Variants in ADGRA3 observed in about 807,000 individuals in gnomAD.
ADGRA3 encodes the protein G-protein coupled receptor 125.
Under a neutral mutation model 119.8 loss-of-function variants are expected in ADGRA3, and 56 were observed. The observed-to-expected ratio is 0.47, with a 90% CI of 0.38 to 0.58. The LOEUF (loss-of-function observed/expected upper bound fraction) is 0.58. ADGRA3 is among the 20% of genes least tolerant of loss of function. The pLI is 0.00. For synonymous variants in ADGRA3, 607 were observed against 623.8 expected (o/e 0.97, Z 0.40); for missense variants, 1,516 against 1,649.0 (o/e 0.92, Z 1.40).
chr4:22,429,555 C>T (rs1182057513), intron 10 of ADGRA3, among the ~76,000 whole-genome samples: 1 of 152,112 alleles, frequency 6.6e-6, no homozygotes, highest in Non-Finnish European at 1.5e-5. Context: ...GACACCACCT[C>T]CAGCATCAGG....
chr4:22,399,491 T>C (rs1361202016), intron 16 of ADGRA3, among the ~76,000 whole-genome samples: 1 of 137,956 alleles, frequency 7.2e-6, no homozygotes, highest in Non-Finnish European at 1.5e-5. Flanking sequence ...CCACCTAGAG[T>C]TGACTTTTTT....
chr4:22,411,608 A>G (rs947960468), intron 14 of ADGRA3, among the ~76,000 whole-genome samples: 2 of 152,208 alleles, frequency 1.3e-5, no homozygotes, highest in African/African-American at 4.8e-5. Flanking sequence ...TCAAAAAAAC[A>G]AAAAATAAAT....
At chr4:22,495,343 C>A (rs947029072) in intron 1 of ADGRA3, among the ~76,000 whole-genome samples, 2 of 151,962 alleles carry the variant, frequency 1.3e-5, no homozygotes. Flanking sequence ...AGAGTCGGAT[C>A]GCAGGGCCCA....
chr4:22,398,846 T>C (rs1714486587), intron 16 of ADGRA3, among the ~76,000 whole-genome samples: 1 of 152,170 alleles, frequency 6.6e-6, no homozygotes, highest in South Asian at 2.1e-4. Flanking sequence ...GCAATGAATA[T>C]TCATATCCAT....
intron 15 of ADGRA3, among the ~76,000 whole-genome samples, 154 bp from the exon 16 acceptor site, chr4:22,401,708 T>C (rs67023855): frequency 0.032 from 594 of 18,476 alleles, 13 homozygotes; most frequent in East Asian, 0.061. Context: ...CACACACACA[T>C]ACACACACGC....
rs2109041680 is a variant in ADGRA3, at chr4:22,424,348, C to T, written c.1448G>A (p.Gly483Asp). Residue 483 changes from glycine to aspartate, a missense_variant, in exon 11 of 19, where the codon GGT becomes GAT. By Grantham distance (94) the Gly-to-Asp change is moderately conservative. Coordinates refer to ENST00000334304, the MANE Select transcript of ADGRA3 (RefSeq NM_145290.4). ...ACTTGCAATGTCAACCATCACGTCA[C>T]CTAGCTAGCAGGGGTTCAGGAGAAA... ...FTKEEKSKEL[G>D]DVMVDIASNI... 2 of 1,612,842 alleles carry T rather than the reference C, an allele frequency of 1.2e-6. No individual in the cohort carries two copies. The highest frequency in any genetic ancestry group is 4.5e-5 in the East Asian group (2 of 44,848).
intron 1 of ADGRA3, chr4:22,515,268 G>T (rs1719604373): frequency 3.2e-6 from 1 of 310,572 alleles, no homozygotes; most frequent in East Asian, 5.8e-5. Context: ...GCTGCGCCGG[G>T]GACAGCGCGG....
chr4:22,484,745 T>C (rs1013615821), intron 1 of ADGRA3, among the ~76,000 whole-genome samples: 1 of 151,810 alleles, frequency 6.6e-6, no homozygotes, highest in Non-Finnish European at 1.5e-5. Context: ...GGGAAAAAAA[T>C]ATGTACACGT....
At chr4:22,424,971 A>G (rs1308235819) in intron 10 of ADGRA3, among the ~76,000 whole-genome samples, 1 of 151,644 alleles carries the variant, frequency 6.6e-6, no homozygotes, top group Non-Finnish European at 1.5e-5. Context: ...GCTACTTGGG[A>G]GGCTGAGGCA....
chr4:22,484,982 G>A (rs1718385555), intron 1 of ADGRA3, among the ~76,000 whole-genome samples: 1 of 151,858 alleles, frequency 6.6e-6, no homozygotes, highest in African/African-American at 2.4e-5. Context: ...GTTCTGCTTT[G>A]AATTGTGGAA....
intron 16 of ADGRA3, chr4:22,393,212 A>T (rs1414818501): frequency 2.0e-5 from 3 of 152,276 alleles, no homozygotes; most frequent in African/African-American, 7.3e-5. Context: ...TTTTTAGTAG[A>T]GAGAGGGTTT....
chr4:22,462,159 G>C lies in ADGRA3; in HGVS notation c.330-351C>G, dbSNP rs529040996. Among the ~76,000 whole-genome samples the C allele has an allele frequency of 2.6e-5, 4 of 152,180 alleles. No homozygotes were observed. In the East Asian group the frequency reaches 7.7e-4, roughly 29 times the overall value. On this transcript the variant is annotated intron_variant, in intron 2 of 18. Coordinates refer to ENST00000334304, the MANE Select transcript of ADGRA3 (RefSeq NM_145290.4). ...AGTATGCCATACTTTGAATATCAAA[G>C]TAAATCTAATTACAATTGTGACAAA...
chr4:22,444,118 T>C (rs1716735471), intron 6 of ADGRA3, among the ~76,000 whole-genome samples: 1 of 152,190 alleles, frequency 6.6e-6, no homozygotes, highest in African/African-American at 2.4e-5. Flanking sequence ...AAAATCATGA[T>C]TTTCAATAGC....
intron 3 of ADGRA3, among the ~76,000 whole-genome samples, chr4:22,458,651 C>A (rs928507836): frequency 1.3e-5 from 2 of 152,130 alleles, no homozygotes; most frequent in Admixed American, 6.5e-5. Context: ...CGCTGCTACA[C>A]CTGGTTGATA....
intron 16 of ADGRA3, among the ~76,000 whole-genome samples, chr4:22,400,168 C>T (rs914319290): frequency 1.6e-4 from 24 of 152,186 alleles, no homozygotes; most frequent in African/African-American, 2.6e-4. Context: ...GATTATCATT[C>T]CCAATTTATA....
chr4:22,488,238 G>A (rs75911934), intron 1 of ADGRA3, among the ~76,000 whole-genome samples: 22,865 of 151,988 alleles, frequency 0.15, 1,878 homozygotes, highest in African/African-American at 0.19. Flanking sequence ...TAGTTGCAAC[G>A]GAAACTGTAC....
intron 3 of ADGRA3, among the ~76,000 whole-genome samples, chr4:22,456,791 C>A (rs1037420456): frequency 6.6e-6 from 1 of 152,206 alleles, no homozygotes; most frequent in Non-Finnish European, 1.5e-5. Context: ...CTTAGGTAAT[C>A]CTAATTTCAA....
At chr4:22,515,232 C>G (rs1220527347) in intron 1 of ADGRA3, 2 of 241,846 alleles carry the variant, frequency 8.3e-6, no homozygotes, top group Admixed American at 5.6e-5. Flanking sequence ...CTTGCATCCT[C>G]ACGTGGCACC....
intron 4 of ADGRA3, among the ~76,000 whole-genome samples, chr4:22,454,028 T>A (rs1006998601): frequency 1.3e-5 from 2 of 151,988 alleles, no homozygotes; most frequent in Non-Finnish European, 2.9e-5. Context: ...GCCCAGCTAA[T>A]TTTTGTATTT....
Sources: gnomAD v4.1 joint callset for allele counts (sites outside exome capture counted in the v4.1 genomes callset) on GRCh38, gnomAD v4.1.1 for gene constraint, MANE v1.5 for transcripts, NCBI Gene and HGNC (gene_info 2026-07-23, HGNC 2026-07-21) for gene names.